The following STK3 variants were observed in gnomAD, a reference collection of about 807,000 sequenced individuals.
STK3 encodes the protein serine/threonine-protein kinase 3.
Under a neutral mutation model 58.0 loss-of-function variants are expected in STK3, and 41 were observed. The ratio of observed to expected loss-of-function variants is 0.71; its 90% confidence interval spans 0.55 to 0.92. The LOEUF (loss-of-function observed/expected upper bound fraction) is 0.92. Among genes scored for constraint, STK3 ranks in the 40% least tolerant of loss-of-function variants. STK3 has a pLI of 0.00. For synonymous variants in STK3, 170 were observed against 191.0 expected (o/e 0.89, Z 0.91); for missense variants, 479 against 602.7 (o/e 0.79, Z 2.15).
intron 4 of STK3, among the ~76,000 whole-genome samples, chr8:98,728,404 C>T (rs1280440954): frequency 6.6e-6 from 1 of 152,058 alleles, no homozygotes; most frequent in Non-Finnish European, 1.5e-5. Context: ...ATCTGGATTG[C>T]ACATGTCTGG....
chr8:98,866,685 T>G (rs563357239), intron 3 of STK3, among the ~76,000 whole-genome samples: 1 of 152,140 alleles, frequency 6.6e-6, no homozygotes, highest in Non-Finnish European at 1.5e-5. Flanking sequence ...TAGAGGTTCA[T>G]TGGGAAGTGA....
At chr8:98,785,179 T>A (rs1011994411) in intron 1 of STK3, among the ~76,000 whole-genome samples, 7 of 152,138 alleles carry the variant, frequency 4.6e-5, no homozygotes, top group African/African-American at 1.7e-4. Flanking sequence ...AGGCAGGCCC[T>A]CCCTGCTTCA....
At chr8:98,853,289 T>C (rs1836546227) in intron 3 of STK3, among the ~76,000 whole-genome samples, 1 of 152,174 alleles carries the variant, frequency 6.6e-6, no homozygotes, top group South Asian at 2.1e-4. Flanking sequence ...TATCTGTATC[T>C]TTGAGTCCCA....
intron 3 of STK3, among the ~76,000 whole-genome samples, chr8:98,405,564 C>T (rs1563593964): frequency 6.6e-6 from 1 of 152,260 alleles, no homozygotes; most frequent in East Asian, 1.9e-4. Flanking sequence ...GGCCTAGAAC[C>T]TAGACGCCTC....
chr8:98,862,673 C>A (rs557455673), intron 3 of STK3, among the ~76,000 whole-genome samples: 3 of 152,138 alleles, frequency 2.0e-5, no homozygotes, highest in Admixed American at 2.0e-4. Context: ...CAAGCTCATG[C>A]GATTTTAGTT....
intron 6 of STK3, among the ~76,000 whole-genome samples, chr8:98,652,864 C>T (rs1403735659): frequency 6.6e-6 from 1 of 151,796 alleles, no homozygotes; most frequent in Non-Finnish European, 1.5e-5. Flanking sequence ...GAGACTTAGA[C>T]TCCCACACAA....
chr8:98,711,144 T>C (rs1826392904), intron 4 of STK3, among the ~76,000 whole-genome samples: 1 of 151,918 alleles, frequency 6.6e-6, no homozygotes, highest in Non-Finnish European at 1.5e-5. Flanking sequence ...TACATCACCA[T>C]CATCAAAGAC....
chr8:98,423,961 G>A (rs1818202156), intron 3 of STK3, among the ~76,000 whole-genome samples: 1 of 152,180 alleles, frequency 6.6e-6, no homozygotes, highest in Non-Finnish European at 1.5e-5. Flanking sequence ...TTCCCAGCAG[G>A]CCAGCCAGGC....
At chr8:98,778,160 G>A (rs915475898) in intron 1 of STK3, among the ~76,000 whole-genome samples, 251 of 152,052 alleles carry the variant, frequency 1.7e-3, no homozygotes, top group Admixed American at 4.8e-3. Flanking sequence ...CAGAATCTAC[G>A]ATGAACTCAA....
chr8:98,835,553 G>A (rs1835715342), intron 3 of STK3, among the ~76,000 whole-genome samples: 1 of 152,142 alleles, frequency 6.6e-6, no homozygotes, highest in Admixed American at 6.6e-5. Flanking sequence ...AGCACCCAGT[G>A]GCCAACAGTT....
chr8:98,350,792 G>T, the STK3 span, among the ~76,000 whole-genome samples: 93 of 152,274 alleles, frequency 6.1e-4, no homozygotes, highest in African/African-American at 2.2e-3. Flanking sequence ...CTGCCCCCAT[G>T]ATTCAGTTAT....
At chr8:98,348,001 A>T in the STK3 span, among the ~76,000 whole-genome samples, 1 of 152,250 alleles carries the variant, frequency 6.6e-6, no homozygotes, top group Non-Finnish European at 1.5e-5. Flanking sequence ...ATACTGCTTA[A>T]CTTCAAGACT....
At chr8:98,356,559 C>G in the STK3 span, among the ~76,000 whole-genome samples, 3 of 152,134 alleles carry the variant, frequency 2.0e-5, no homozygotes, top group Non-Finnish European at 2.9e-5. Flanking sequence ...AGCCGAAAGC[C>G]AGGGGGGCTC....
At chr8:98,753,451 C>T (rs1259531262) in intron 3 of STK3, among the ~76,000 whole-genome samples, 6 of 152,012 alleles carry the variant, frequency 3.9e-5, no homozygotes, top group African/African-American at 1.5e-4. Flanking sequence ...GAGTGAACAA[C>T]ACACACTGGG....
At chr8:98,492,738 CCA>C (rs1466116196) in intron 10 of STK3, among the ~76,000 whole-genome samples, 2 of 151,894 alleles carry the variant, frequency 1.3e-5, no homozygotes, top group African/African-American at 4.8e-5. Context: ...CAGGTGTCAC[CCA>C]CACCCTGAAG....
downstream of STK3, among the ~76,000 whole-genome samples, chr8:98,452,168 T>G (rs558641932): frequency 6.6e-6 from 1 of 152,336 alleles, no homozygotes; most frequent in African/African-American, 2.4e-5. Flanking sequence ...ATCTTATTAA[T>G]GTATTATATA....
chr8:98,850,786 G>A (rs1836436380), intron 3 of STK3, among the ~76,000 whole-genome samples: 1 of 152,164 alleles, frequency 6.6e-6, no homozygotes, highest in South Asian at 2.1e-4. Context: ...TGTGCCTGGG[G>A]GTTCAGAGTT....
At chr8:98,402,651 C>A (rs1817955258) in intron 3 of STK3, among the ~76,000 whole-genome samples, 1 of 152,210 alleles carries the variant, frequency 6.6e-6, no homozygotes, top group Admixed American at 6.5e-5. Flanking sequence ...CTCCTCCTCC[C>A]AGGGAGTGTT....
intron 1 of STK3, among the ~76,000 whole-genome samples, chr8:98,803,877 T>A (rs895930287): frequency 6.6e-6 from 1 of 152,154 alleles, no homozygotes; most frequent in Non-Finnish European, 1.5e-5. Flanking sequence ...TAGCCCTTGA[T>A]AACCAAGAGG....
Sources: allele counts gnomAD v4.1 joint callset (sites outside exome capture counted in the v4.1 genomes callset), GRCh38; gene constraint gnomAD v4.1.1; transcripts MANE v1.5; gene names NCBI Gene and HGNC (gene_info 2026-07-23, HGNC 2026-07-21).